Variants in LETM2 observed in about 807,000 individuals in gnomAD.
The protein encoded by LETM2 is leucine zipper and EF-hand containing transmembrane protein 2.
LETM2 carries 58 observed loss-of-function variants against 59.6 expected under a neutral mutation model. The ratio of observed to expected loss-of-function variants is 0.97; its 90% CI spans 0.79 to 1.21. The LOEUF (loss-of-function observed/expected upper bound fraction) is 1.21. LETM2 is among the 50% of genes most tolerant of loss of function. The probability of loss-of-function intolerance (pLI) is 0.00; values close to 1 mark genes in which losing one functional copy is unlikely to be tolerated. For missense variants in LETM2, 572 were observed against 575.7 expected (o/e 0.99, Z 0.07); for synonymous variants, 199 against 214.1 (o/e 0.93, Z 0.62).
upstream of LETM2, chr8:38,383,334 C>T (rs1811652653): frequency 6.6e-6 from 1 of 152,230 alleles, no homozygotes; most frequent in Non-Finnish European, 1.5e-5. Context: ...TTCCTGGGGC[C>T]TGGTGATAAG....
Position 38,392,894 on chromosome 8 carries a change from T to C in LETM2, c.400T>C (p.Tyr134His). 6.2e-7 allele frequency: 1 copy of C among 1,614,004 alleles called. No homozygotes were observed. Among genetic ancestry groups the C allele is most frequent in the Non-Finnish European group, 8.5e-7 (1 of 1,180,036 alleles). ...AATCATGGATGAACTAAAATATTATTACAATGGATTCTACTTACTTTGGAT... is the reference window on the plus strand; with the variant it reads ...AATCATGGATGAACTAAAATATTATCACAATGGATTCTACTTACTTTGGAT... ...QKIMDELKYY[Y>H]NGFYLLWIDA... Residue 134 changes from tyrosine to histidine, a missense_variant, in exon 3 of 11, where the codon TAC (tyrosine) becomes CAC (histidine). Coordinates refer to ENST00000379957, the MANE Select transcript of LETM2 (RefSeq NM_001286819.2).
chr8:38,402,533 C>T lies in LETM2; in HGVS notation c.993C>T (p.Ala331=), dbSNP rs751376172. 1 of 1,613,720 alleles carries T rather than the reference C, an allele frequency of 6.2e-7. No homozygotes were observed. Among genetic ancestry groups the T allele is most frequent in the Non-Finnish European group, 8.5e-7 (1 of 1,179,710 alleles). ...KSIKADDEII[A]KEGVTALSVS... ...CCTTACATTTCTTTCAGATAATTGC[C>T]AAGGAAGGGGTGACAGCATTGAGTG... Residue 331 remains alanine, a synonymous_variant, in exon 7 of 11, where the codon GCC becomes GCT. Coordinates refer to ENST00000379957, the MANE Select transcript of LETM2 (RefSeq NM_001286819.2).
chr8:38,386,965 A>G (rs896985011), intron 1 of LETM2: 3 of 152,240 alleles, frequency 2.0e-5, no homozygotes, highest in Non-Finnish European at 4.4e-5. Flanking sequence ...GGCCGCGCAC[A>G]CATCAGGCGC....
At chr8:38,387,671 A>C (rs1005303870) in intron 1 of LETM2, among the ~76,000 whole-genome samples, 1 of 152,104 alleles carries the variant, frequency 6.6e-6, no homozygotes. Context: ...GCATTACTAG[A>C]TACTATTGAC....
At chr8:38,401,963 T>C (rs11986274) in intron 6 of LETM2, among the ~76,000 whole-genome samples, 34,397 of 152,110 alleles carry the variant, frequency 0.23, 4,122 homozygotes, top group East Asian at 0.34. Context: ...AGCATGATCC[T>C]TTTGGCCCCA....
In LETM2 at chr8:38,408,392, C is replaced by A; in HGVS notation, c.*118C>A. On this transcript the variant is annotated 3_prime_UTR_variant, in exon 11 of 11. Coordinates refer to ENST00000379957, the MANE Select transcript of LETM2 (RefSeq NM_001286819.2). The stretch of plus-strand genomic sequence containing the variant: ...CAGAGAGCGGATCAGCTGTTTAGCC[C>A]GTGGGGCAGTCCTTTGAGGCCTGGT... The A allele has an allele frequency of 1.2e-6, 1 of 854,934 alleles. No homozygotes were observed. The highest frequency in any genetic ancestry group is 1.7e-5 in the African/African-American group (1 of 59,298). The allele number at this position is 854,934 out of a possible 1,614,324, so 53.0% of individuals were successfully genotyped here.
chr8:38,386,369 T>G (rs1199927227), upstream of LETM2: 1 of 152,230 alleles, frequency 6.6e-6, no homozygotes, highest in Non-Finnish European at 1.5e-5. Context: ...TGCGGCTTCC[T>G]GGGCTGCTAA....
intron 4 of LETM2, chr8:38,397,247 G>T: frequency 2.3e-6 from 1 of 431,256 alleles, no homozygotes; most frequent in Admixed American, 2.6e-5. Context: ...CACAATCTTG[G>T]CTCACTGCAA....
intron 8 of LETM2, 85 bp downstream of exon 8, chr8:38,404,591 G>T: frequency 1.2e-6 from 1 of 851,964 alleles, no homozygotes; most frequent in East Asian, 2.5e-5. Flanking sequence ...TGCAGTTAGA[G>T]CAGGCATTTC....
chr8:38,395,965 C>A (rs565089737), intron 4 of LETM2, among the ~76,000 whole-genome samples: 2 of 152,248 alleles, frequency 1.3e-5, no homozygotes, highest in Admixed American at 1.3e-4. Flanking sequence ...TTAACCATGT[C>A]TTTCACAGAG....
chr8:38,396,767 G>A (rs1812723285), intron 4 of LETM2, among the ~76,000 whole-genome samples: 1 of 152,036 alleles, frequency 6.6e-6, no homozygotes, highest in African/African-American at 2.4e-5. Flanking sequence ...AAACAAATTA[G>A]CCAAGTGTGG....
intron 2 of LETM2, among the ~76,000 whole-genome samples, chr8:38,388,855 T>A (rs1811987694): frequency 6.6e-6 from 1 of 151,662 alleles, no homozygotes; most frequent in South Asian, 2.1e-4. Flanking sequence ...AACCTCCAAC[T>A]CCCAGGTTCA....
Position 38,397,093 on chromosome 8 carries a change from C to T in LETM2, c.645+2852C>T, listed in dbSNP as rs542160921. 1.8e-4 allele frequency: 83 copies of T among 456,094 alleles called. 1 individual carries two copies. The highest frequency in any genetic ancestry group is 1.2e-3 in the African/African-American group (58 of 50,162). The allele number at this position is 456,094 out of a possible 1,614,324, so 28.3% of individuals were successfully genotyped here. On this transcript the variant is annotated intron_variant, in intron 4 of 10. Transcript: ENST00000379957. ...ACAGAGGCAGCTCCTTCCTTCTCCC[C>T]GTTCTGTGCCACTCTACTAGACAGC... is the stretch of plus-strand genomic sequence containing the variant.
intron 4 of LETM2, among the ~76,000 whole-genome samples, chr8:38,399,734 T>C (rs1210036974): frequency 6.8e-6 from 1 of 146,826 alleles, no homozygotes; most frequent in African/African-American, 2.5e-5. Flanking sequence ...GTCAAGATGG[T>C]ACCTCTGCAC....
At chr8:38,404,270 T>G (rs1813505756) in intron 7 of LETM2, 123 bp from the exon 8 acceptor site, 2 of 678,094 alleles carry the variant, frequency 2.9e-6, no homozygotes, top group African/African-American at 3.6e-5. Flanking sequence ...ACTCATCACC[T>G]GAGCGGCTTG....
At chr8:38,404,682 A>G in intron 8 of LETM2, 176 bp downstream of exon 8, 1 of 573,646 alleles carries the variant, frequency 1.7e-6, no homozygotes, top group South Asian at 2.0e-5. Context: ...AACCACAAAC[A>G]AACAAAACAA....
At chr8:38,406,743 C>T (rs1031913896) in intron 8 of LETM2, 1 of 463,604 alleles carries the variant, frequency 2.2e-6, no homozygotes, top group South Asian at 4.8e-5. Context: ...ATATAAAGTA[C>T]TCAAAACTCA....
At chr8:38,396,586 T>C (rs1172808849) in intron 4 of LETM2, among the ~76,000 whole-genome samples, 1 of 152,220 alleles carries the variant, frequency 6.6e-6, no homozygotes, top group Non-Finnish European at 1.5e-5. Context: ...CACTAAATTC[T>C]AACTTGATTT....
chr8:38,396,985 T>A (rs868225740), intron 4 of LETM2: 29 of 397,966 alleles, frequency 7.3e-5, no homozygotes, highest in African/African-American at 5.6e-4. Flanking sequence ...TAGGTATGAT[T>A]TAGTCAGCCC....
Sources: gnomAD v4.1 joint callset for allele counts (sites outside exome capture counted in the v4.1 genomes callset) on GRCh38, gnomAD v4.1.1 for gene constraint, MANE v1.5 for transcripts, NCBI Gene and HGNC (gene_info 2026-07-23, HGNC 2026-07-21) for gene names.